The following USH1G variants were observed in gnomAD, a reference collection of about 807,000 sequenced individuals.
USH1G encodes USH1 protein network component sans, also known as pre-mRNA splicing regulator USH1G.
In USH1G, 27 loss-of-function variants were observed where a neutral mutation model predicts 31.9. That is an observed-to-expected ratio of 0.85 (90% confidence interval 0.62 to 1.17). The LOEUF (loss-of-function observed/expected upper bound fraction) is 1.17, where lower values mean the gene tolerates loss of function less well. Among genes scored for constraint, USH1G ranks in the 50% most tolerant of loss-of-function variants. The pLI is 0.00. For synonymous variants in USH1G, 266 were observed against 283.2 expected, an observed-to-expected ratio of 0.94 and a Z score of 0.61; for missense variants, 674 against 638.9, an observed-to-expected ratio of 1.05 and a Z score of -0.59.
rs1400435581 is a variant in USH1G at position 74,918,817 on chromosome 17, A to G, written c.1382+637T>C. 6.6e-6 allele frequency among the ~76,000 whole-genome samples: 1 copy of G among 152,058 alleles called. No individual in the cohort carries two copies. The highest frequency in any genetic ancestry group is 1.5e-5 in the Non-Finnish European group (1 of 68,010). On this transcript the variant is annotated intron_variant, in intron 2 of 2. Coordinates refer to ENST00000614341, the MANE Select transcript of USH1G (RefSeq NM_173477.5). The surrounding 1 kb of genome is among the most constrained non-coding windows in gnomAD (Gnocchi z 4.1). ...AAGAGGGAAACTGTCTCAAAAAAAA[A>G]AAAAAAAAAATCTGCCTGAGGTCTT...
In USH1G at chr17:74,920,101, C is replaced by G; in HGVS notation, c.735G>C (p.Ser245=). The change falls in exon 2 of 3, where the codon TCG becomes TCC. Residue 245 remains serine (S), a synonymous_variant. Transcript: ENST00000614341. The surrounding 1 kb of genome is among the most constrained non-coding windows in gnomAD (Gnocchi z 5.2). ...TCACGTCGCTGCCCAGCTGCAGGCC[C>G]GAGAGCGAGCGGGCGCTCTTGCGCC... is the stretch of plus-strand genomic sequence containing the variant. ...EDGRKSARSL[S]GLQLGSDVMF... 6.2e-7 allele frequency: 1 copy of G among 1,603,634 alleles called. No individual in the cohort carries two copies. The highest frequency in any genetic ancestry group is 1.1e-5 in the South Asian group (1 of 91,034).
At position 74,920,603 on chromosome 17, in the gene USH1G, A is replaced by G. The variant is rs2038931637; in HGVS notation, c.233T>C (p.Leu78Ser). Residue 78 changes from leucine (L) to serine (S), a missense_variant, in exon 2 of 3, where the codon TTG becomes TCG. Leu to Ser is a moderately radical substitution (Grantham distance 145, BLOSUM62 -2). Transcript: ENST00000614341. This position sits in a 1 kb window ranked among gnomAD's most constrained non-coding sequence, Gnocchi z 5.2. ...PLHLAASNGH[L>S]HCLSFLVSFG... is the part of the protein sequence containing the mutation. ...GGACACCAGGAAGGACAGGCAGTGC[A>G]AGTGGCCATTGGAAGCTGCCAGATG... 1 of 1,613,862 alleles carries G rather than the reference A, an allele frequency of 6.2e-7. No individual in the cohort carries two copies. The highest frequency in any genetic ancestry group is 8.5e-7 in the Non-Finnish European group (1 of 1,180,038).
In USH1G at chr17:74,921,964, C is replaced by T. The variant is rs1413069869; in HGVS notation, c.164+946G>A. 6.6e-6 allele frequency among the ~76,000 whole-genome samples: 1 copy of T among 152,188 alleles called. No homozygotes were observed. Among genetic ancestry groups the T allele is most frequent in the Non-Finnish European group, 1.5e-5 (1 of 68,014 alleles). On this transcript the variant is annotated intron_variant, in intron 1 of 2. Coordinates refer to ENST00000614341, the MANE Select transcript of USH1G (RefSeq NM_173477.5). This position sits in a 1 kb window ranked among gnomAD's most constrained non-coding sequence, Gnocchi z 4.6. ...CCAGCACCTACTACATGTTCAGGCA[C>T]TGGCCAGTACCTGGTACCGGGGCCA...
Position 74,920,390 on chromosome 17 carries a change from T to A in USH1G, c.446A>T (p.Glu149Val). The A allele has an allele frequency of 6.2e-7, 1 of 1,613,154 alleles. No individual in the cohort carries two copies. The change falls in exon 2 of 3, where the codon GAG becomes GTG. Residue 149 changes from glutamate (E) to valine (V), a missense_variant. Transcript: ENST00000614341. The surrounding 1 kb of genome is among the most constrained non-coding windows in gnomAD (Gnocchi z 5.2). ...GTGCCTCCGCTGCAGCTTGGCGCAC[T>A]CGCGGATGCGCCGCTCCGCCTCGCG... is the stretch of plus-strand genomic sequence containing the variant. Reference protein sequence around the residue: ...AFREAERRIRECAKLQRRHHE... With the variant: ...AFREAERRIRVCAKLQRRHHE...
rs2038935605 is a variant in USH1G at position 74,920,926 on chromosome 17, C to A, written c.165-255G>T. ...CAGAGAAGGCGGGACTGGGGCGGGGCCTTCCCCAAGCTAACTGAGGGCTGG... is the reference window on the plus strand; with the variant it reads ...CAGAGAAGGCGGGACTGGGGCGGGGACTTCCCCAAGCTAACTGAGGGCTGG... On this transcript the variant is annotated intron_variant, in intron 1 of 2. Coordinates refer to ENST00000614341, the MANE Select transcript of USH1G (RefSeq NM_173477.5). The surrounding 1 kb of genome is among the most constrained non-coding windows in gnomAD (Gnocchi z 5.2). Among the ~76,000 whole-genome samples the A allele has an allele frequency of 6.6e-6, 1 of 152,070 alleles. No individual in the cohort carries two copies. Among genetic ancestry groups the A allele is most frequent in the Non-Finnish European group, 1.5e-5 (1 of 68,002 alleles).
rs146004909 is a variant in USH1G at position 74,918,071 on chromosome 17, G to A, written c.*2C>T. The A allele has an allele frequency of 3.7e-5, 59 of 1,614,088 alleles. No homozygotes were observed. The East Asian group carries it at 8.7e-4, about 24-fold the overall frequency. ...TTTTGGTCTGGGGAGAGGAGCCCCC[G>A]GTTATCTGTGGAGGAAGAGACAGAA... is the stretch of plus-strand genomic sequence containing the variant. On this transcript the variant is annotated 3_prime_UTR_variant, in exon 3 of 3. Coordinates refer to ENST00000614341, the MANE Select transcript of USH1G (RefSeq NM_173477.5). This position sits in a 1 kb window ranked among gnomAD's most constrained non-coding sequence, Gnocchi z 4.1.
intron 1 of USH1G, among the ~76,000 whole-genome samples, chr17:74,922,552 G>C (rs985681214): frequency 1.3e-5 from 2 of 152,042 alleles, no homozygotes; most frequent in African/African-American, 4.8e-5. Flanking sequence ...AGCCCCCACT[G>C]CTGGCCCCTC....
Position 74,918,354 on chromosome 17 carries a change from T to C in USH1G, c.1383-278A>G, listed in dbSNP as rs114920695. ...AGTTTGTTGGGCCTGTGGGATGCCA[T>C]TGGGGAGGGGCCAGGGCAGGGGCTG... On this transcript the variant is annotated intron_variant, in intron 2 of 2. Transcript: ENST00000614341. The surrounding 1 kb of genome is among the most constrained non-coding windows in gnomAD (Gnocchi z 4.1). Among the ~76,000 whole-genome samples, 152 of 152,118 alleles carry C rather than the reference T, an allele frequency of 1.0e-3. No homozygotes were observed. Among genetic ancestry groups the C allele is most frequent in the African/African-American group, 3.3e-3 (137 of 41,498 alleles).
Position 74,917,247 on chromosome 17 carries a change from C to T in USH1G, c.*826G>A, listed in dbSNP as rs2144748518. ...GGGAGACTGAGGAGGTTGGCGGACA[C>T]CTTTCTCTAGCCCAGCGCATGCCTG... is the stretch of plus-strand genomic sequence containing the variant. On this transcript the variant is annotated 3_prime_UTR_variant, in exon 3 of 3. Coordinates refer to ENST00000614341, the MANE Select transcript of USH1G (RefSeq NM_173477.5). The T allele has an allele frequency of 6.6e-6, 1 of 152,528 alleles. No individual in the cohort carries two copies. Among genetic ancestry groups the T allele is most frequent in the East Asian group, 1.9e-4 (1 of 5,184 alleles). The allele number at this position is 152,528 out of a possible 1,614,324, so 9.4% of individuals were successfully genotyped here.
chr17:74,919,474 C>A lies in USH1G; in HGVS notation c.1362G>T (p.Pro454=), dbSNP rs1398894694. The change falls in exon 2 of 3, where the codon CCG becomes CCT. Residue 454 remains proline, a synonymous_variant. Transcript: ENST00000614341. The surrounding 1 kb of genome is among the most constrained non-coding windows in gnomAD (Gnocchi z 4.5). ...CTCACAGCTCTGTGTCCTCCAGGGC[C>A]GGCGGGCGCTCCATCGCCTGCCGCC... ...RRRRQAMERP[P]ALEDTEL is the part of the protein sequence containing the mutation. 4 of 1,608,120 alleles carry A rather than the reference C, an allele frequency of 2.5e-6. No homozygotes were observed. The South Asian group carries it at 3.3e-5, about 13-fold the overall frequency.
At position 74,917,979 on chromosome 17, in the gene USH1G, G is replaced by A; in HGVS notation, c.*94C>T. The A allele has an allele frequency of 6.5e-7, 1 of 1,539,538 alleles. No homozygotes were observed. On this transcript the variant is annotated 3_prime_UTR_variant, in exon 3 of 3. Coordinates refer to ENST00000614341, the MANE Select transcript of USH1G (RefSeq NM_173477.5). Reference sequence around the variant, plus strand: ...AACTGGTCCTTGCTCCTGGGGAAGGGGGCTGCAGGGCTGGCAACTGTGAGG... The same window carrying A: ...AACTGGTCCTTGCTCCTGGGGAAGGAGGCTGCAGGGCTGGCAACTGTGAGG...
Position 74,919,464 on chromosome 17 carries a change from C to T in USH1G, c.1372G>A (p.Asp458Asn), listed in dbSNP as rs1185915437. ...QAMERPPALE[D>N]TEL is the part of the protein sequence containing the mutation. ...AGGCTGGACACTCACAGCTCTGTGT[C>T]CTCCAGGGCCGGCGGGCGCTCCATC... Residue 458 changes from aspartate to asparagine, a missense_variant, in exon 2 of 3, where the codon GAC becomes AAC. Asp to Asn is a conservative substitution (Grantham distance 23). Transcript: ENST00000614341. The surrounding 1 kb of genome is among the most constrained non-coding windows in gnomAD (Gnocchi z 4.5). The T allele has an allele frequency of 1.2e-6, 2 of 1,607,362 alleles. No homozygotes were observed. The highest frequency in any genetic ancestry group is 2.2e-5 in the East Asian group (1 of 44,792).
At position 74,923,106 on chromosome 17, in the gene USH1G, A is replaced by T. The variant is rs774152822; in HGVS notation, c.-33T>A. The T allele has an allele frequency of 5.8e-6, 9 of 1,545,146 alleles. No individual in the cohort carries two copies. In the South Asian group the frequency reaches 6.0e-5, roughly 10 times the overall value. ...GAAGTGGACGGGGCGGGCGGGGGAC[A>T]CGGAGAAAGGCCCCCCGCAGGGGAG... is the stretch of plus-strand genomic sequence containing the variant. On this transcript the variant is annotated 5_prime_UTR_variant, in exon 1 of 3. Coordinates refer to ENST00000614341, the MANE Select transcript of USH1G (RefSeq NM_173477.5). This position sits in a 1 kb window ranked among gnomAD's most constrained non-coding sequence, Gnocchi z 5.3.
At position 74,920,337 on chromosome 17, in the gene USH1G, G is replaced by A. The variant is rs938957013; in HGVS notation, c.499C>T (p.Arg167Cys). The change falls in exon 2 of 3, where the codon CGC becomes TGC. Residue 167 changes from arginine (R) to cysteine (C), a missense_variant. By Grantham distance (180) the Arg-to-Cys change is radical (BLOSUM62 -3). Transcript: ENST00000614341. This position sits in a 1 kb window ranked among gnomAD's most constrained non-coding sequence, Gnocchi z 5.2. ...GTGTCGGAACGCTCGGCCAGCTCGCGCCGGTATCGCCGCTCCATGCGTTCG... is the reference window on the plus strand; with the variant it reads ...GTGTCGGAACGCTCGGCCAGCTCGCACCGGTATCGCCGCTCCATGCGTTCG... Reference protein sequence around the residue: ...HHERMERRYRRELAERSDTLS... With the variant: ...HHERMERRYRCELAERSDTLS... The A allele has an allele frequency of 6.2e-7, 1 of 1,610,300 alleles. No individual in the cohort carries two copies.
intron 1 of USH1G, 111 bp downstream of exon 1, chr17:74,922,799 G>T (rs1369224005): frequency 1.1e-5 from 14 of 1,308,784 alleles, no homozygotes; most frequent in Non-Finnish European, 1.5e-5. Context: ...AAACGCCAGG[G>T]TCTAAGGGTC....
rs2038895278 is a variant in USH1G at position 74,918,790 on chromosome 17, A to T, written c.1382+664T>A. ...GTGCCACTGCACTCCAGCCTGGATG[A>T]CAAGAGGGAAACTGTCTCAAAAAAA... On this transcript the variant is annotated intron_variant, in intron 2 of 2. Transcript: ENST00000614341. The surrounding 1 kb of genome is among the most constrained non-coding windows in gnomAD (Gnocchi z 4.1). Among the ~76,000 whole-genome samples, 1 of 150,646 alleles carries T rather than the reference A, an allele frequency of 6.6e-6. No individual in the cohort carries two copies.
Position 74,919,940 on chromosome 17 carries a change from G to C in USH1G, c.896C>G (p.Thr299Ser). The change falls in exon 2 of 3, where the codon ACC becomes AGC. Residue 299 changes from threonine to serine, a missense_variant. Physicochemically the swap from Thr to Ser is moderately conservative, Grantham distance 58. Transcript: ENST00000614341. The surrounding 1 kb of genome is among the most constrained non-coding windows in gnomAD (Gnocchi z 4.5). ...AAEPAHSEVS[T>S]DSGHDSLFTR... ...AAACAGGGAGTCGTGGCCTGAGTCGGTGCTGACCTCCGAGTGGGCAGGCTC... is the reference window on the plus strand; with the variant it reads ...AAACAGGGAGTCGTGGCCTGAGTCGCTGCTGACCTCCGAGTGGGCAGGCTC... The C allele has an allele frequency of 6.2e-7, 1 of 1,612,396 alleles. No individual in the cohort carries two copies. The highest frequency in any genetic ancestry group is 1.6e-4 in the Middle Eastern group (1 of 6,062).
At position 74,922,902 on chromosome 17, in the gene USH1G, G is replaced by T. The variant is rs976207617; in HGVS notation, c.164+8C>A. ...GGGCCTCAAGGGCACTGGGTGGGGCGTACTCACCCGCGGCTCACAATGAGA... is the reference window on the plus strand; with the variant it reads ...GGGCCTCAAGGGCACTGGGTGGGGCTTACTCACCCGCGGCTCACAATGAGA... On this transcript the variant is annotated splice_region_variant and intron_variant, in intron 1 of 2. Transcript: ENST00000614341. The T allele has an allele frequency of 2.6e-6, 4 of 1,542,816 alleles. No homozygotes were observed. Among genetic ancestry groups the T allele is most frequent in the Non-Finnish European group, 2.6e-6 (3 of 1,140,720 alleles).
chr17:74,923,089 CG>C lies in USH1G; in HGVS notation c.-17del. On this transcript the variant is annotated 5_prime_UTR_variant, in exon 1 of 3. Coordinates refer to ENST00000614341, the MANE Select transcript of USH1G (RefSeq NM_173477.5). The surrounding 1 kb of genome is among the most constrained non-coding windows in gnomAD (Gnocchi z 5.3). ...GGTCGTTCATGGCGCCCGAAGTGGA[CG>C]GGGCGGGCGGGGGACACGGAGAAAG... 1 of 1,561,088 alleles carries C rather than the reference CG, an allele frequency of 6.4e-7. No homozygotes were observed. The highest frequency in any genetic ancestry group is 8.7e-7 in the Non-Finnish European group (1 of 1,150,354).
Sources: allele counts gnomAD v4.1 joint callset (sites outside exome capture counted in the v4.1 genomes callset), GRCh38; gene constraint gnomAD v4.1.1; non-coding constraint Gnocchi (gnomAD v3.1); transcripts MANE v1.5; gene names NCBI Gene and HGNC (gene_info 2026-07-23, HGNC 2026-07-21).